The following FTO variants were observed in gnomAD, a reference collection of about 807,000 sequenced individuals.
The protein encoded by FTO is FTO alpha-ketoglutarate dependent dioxygenase.
A neutral mutation model predicts 63.9 loss-of-function variants in FTO; 47 were observed. The observed-to-expected ratio is 0.74, with a 90% confidence interval of 0.58 to 0.94. FTO has a LOEUF of 0.94. Among genes scored for constraint, FTO ranks in the 40% least tolerant of loss-of-function variants. The probability of loss-of-function intolerance (pLI) is 0.00; values close to 1 mark genes in which losing one functional copy is unlikely to be tolerated. For synonymous variants in FTO, 207 were observed against 224.4 expected, an observed-to-expected ratio of 0.92 and a Z score of 0.69; for missense variants, 562 against 618.1, an observed-to-expected ratio of 0.91 and a Z score of 0.96.
At chr16:53,976,335 T>C (rs1314989680) in intron 8 of FTO, among the ~76,000 whole-genome samples, 2 of 152,130 alleles carry the variant, frequency 1.3e-5, no homozygotes, top group African/African-American at 4.8e-5. Context: ...AACTTTATTA[T>C]TAGGTTTTCA....
intron 8 of FTO, among the ~76,000 whole-genome samples, chr16:54,084,360 G>A (rs2086215012): frequency 6.6e-6 from 1 of 152,158 alleles, no homozygotes; most frequent in African/African-American, 2.4e-5. Flanking sequence ...TTCTAGAGAT[G>A]GAGTTCATCC....
intron 8 of FTO, among the ~76,000 whole-genome samples, chr16:54,017,038 C>T (rs2084466508): frequency 6.6e-6 from 1 of 152,114 alleles, no homozygotes; most frequent in Non-Finnish European, 1.5e-5. Flanking sequence ...AAGGGTAATC[C>T]TTTCAGGGAT....
chr16:53,760,228 G>T (rs200393458), intron 1 of FTO, among the ~76,000 whole-genome samples: 423 of 26,226 alleles, frequency 0.016, 42 homozygotes, highest in Middle Eastern at 0.13. Flanking sequence ...GTGTGTGTGT[G>T]TGTGTGTGTG....
At chr16:54,051,842 A>G (rs1172963509) in intron 8 of FTO, among the ~76,000 whole-genome samples, 2 of 152,228 alleles carry the variant, frequency 1.3e-5, no homozygotes, top group Non-Finnish European at 2.9e-5. Context: ...ACATTTTATG[A>G]CTACTGAGAG....
At chr16:54,028,725 C>G (rs1208204450) in intron 8 of FTO, among the ~76,000 whole-genome samples, 1 of 151,966 alleles carries the variant, frequency 6.6e-6, no homozygotes, top group Non-Finnish European at 1.5e-5. Flanking sequence ...ACACTATATA[C>G]AGTATTTAAA....
chr16:54,070,340 T>C, intron 8 of FTO: 1 of 152,172 alleles, frequency 6.6e-6, no homozygotes, highest in Non-Finnish European at 1.5e-5. Context: ...AAAATGTATA[T>C]CTAAATGGAA....
At chr16:53,826,568 C>G (rs562493500) in intron 3 of FTO, 77 bp downstream of exon 3, 1 of 1,382,790 alleles carries the variant, frequency 7.2e-7, no homozygotes, top group South Asian at 1.2e-5. Context: ...GAGATACACA[C>G]GCATATACAT....
intron 1 of FTO, among the ~76,000 whole-genome samples, chr16:53,765,905 A>G (rs2077189158): frequency 6.6e-6 from 1 of 152,196 alleles, no homozygotes; most frequent in Non-Finnish European, 1.5e-5. Flanking sequence ...CCCATTGGAA[A>G]TCACTGGAGT....
chr16:53,741,615 A>G (rs1170308858), intron 1 of FTO, among the ~76,000 whole-genome samples: 2 of 152,212 alleles, frequency 1.3e-5, no homozygotes, highest in African/African-American at 4.8e-5. Flanking sequence ...GGTAGTGGTC[A>G]AGCTGCCCAA....
intron 8 of FTO, among the ~76,000 whole-genome samples, chr16:53,997,168 A>G (rs1285378455): frequency 6.6e-6 from 1 of 151,032 alleles, no homozygotes; most frequent in Non-Finnish European, 1.5e-5. Context: ...GAGAGAAAAG[A>G]GAGAGGGAGA....
At chr16:53,764,575 T>C (rs1035855273) in intron 1 of FTO, among the ~76,000 whole-genome samples, 3 of 152,152 alleles carry the variant, frequency 2.0e-5, no homozygotes, top group African/African-American at 4.8e-5. Context: ...CCACTGTCAT[T>C]ATCTGCTTCT....
In FTO at chr16:53,881,779, T is replaced by A. The variant is rs80210619; in HGVS notation, c.1119+1792T>A. On this transcript the variant is annotated intron_variant, in intron 6 of 8. Transcript: ENST00000471389. ...ACTTTAAATCAACTCTTTTTTAACA[T>A]GTATACATTTCTTTAAAAAGGGAGC... is the stretch of plus-strand genomic sequence containing the variant. Among the ~76,000 whole-genome samples the A allele has an allele frequency of 3.5e-3, 533 of 152,360 alleles. 2 individuals are homozygous for A. Among genetic ancestry groups the A allele is most frequent in the African/African-American group, 0.012 (505 of 41,578 alleles).
intron 3 of FTO, among the ~76,000 whole-genome samples, chr16:53,835,935 G>C (rs2079278301): frequency 1.4e-5 from 2 of 144,060 alleles, no homozygotes; most frequent in African/African-American, 5.3e-5. Context: ...TTGTCACCCA[G>C]GCTGGTGTGC....
intron 6 of FTO, among the ~76,000 whole-genome samples, chr16:53,882,255 C>T (rs570216164): frequency 4.0e-5 from 6 of 151,702 alleles, no homozygotes; most frequent in South Asian, 4.2e-4. Flanking sequence ...CTCTTCTGGG[C>T]GCTTTAGAAT....
chr16:54,054,529 T>G (rs563360807), intron 8 of FTO: 1 of 152,316 alleles, frequency 6.6e-6, no homozygotes, highest in African/African-American at 2.4e-5. Context: ...TGGTAATACC[T>G]TGTTATTAGT....
At chr16:53,714,715 A>C (rs758340727) in intron 1 of FTO, among the ~76,000 whole-genome samples, 2 of 152,190 alleles carry the variant, frequency 1.3e-5, no homozygotes, top group Non-Finnish European at 2.9e-5. Flanking sequence ...GGCTGGTAAC[A>C]CTATTAATGA....
intron 3 of FTO, among the ~76,000 whole-genome samples, chr16:53,833,738 CT>C (rs1467822528): frequency 6.6e-6 from 1 of 152,218 alleles, no homozygotes; most frequent in Non-Finnish European, 1.5e-5. Flanking sequence ...TACGCCAACA[CT>C]TACTGTTTCC....
chr16:53,845,908 A>T (rs552847836), intron 4 of FTO, among the ~76,000 whole-genome samples: 3 of 152,234 alleles, frequency 2.0e-5, no homozygotes, highest in South Asian at 4.1e-4. Context: ...AATTCTTCTC[A>T]TGGGGAGATT....
chr16:54,018,728 A>G (rs1165672412), intron 8 of FTO, among the ~76,000 whole-genome samples: 5 of 152,124 alleles, frequency 3.3e-5, no homozygotes, highest in African/African-American at 1.2e-4. Flanking sequence ...TCCTGCTGTC[A>G]TGTGAAGAAG....
Sources: gnomAD v4.1 joint callset for allele counts (sites outside exome capture counted in the v4.1 genomes callset) on GRCh38, gnomAD v4.1.1 for gene constraint, MANE v1.5 for transcripts, NCBI Gene and HGNC (gene_info 2026-07-23, HGNC 2026-07-21) for gene names.